Variants in HEATR4 observed in about 807,000 individuals in gnomAD.
HEATR4 encodes the protein HEAT repeat-containing protein 4.
In HEATR4, 95 loss-of-function variants were observed where a neutral mutation model predicts 108.8. The observed-to-expected ratio is 0.87, with a 90% CI of 0.74 to 1.04. The LOEUF is 1.04. HEATR4 is among the 50% of genes least tolerant of loss of function. HEATR4 has a pLI of 0.00. For synonymous variants in HEATR4, 443 were observed against 459.4 expected, an observed-to-expected ratio of 0.96 and a Z score of 0.46; for missense variants, 1,152 against 1,253.8, an observed-to-expected ratio of 0.92 and a Z score of 1.23.
the HEATR4 span, among the ~76,000 whole-genome samples, chr14:73,564,757 A>T: frequency 9.8e-6 from 1 of 101,742 alleles, no homozygotes; most frequent in Admixed American, 1.5e-4. Context: ...TAGAGATGAG[A>T]TCTTGCTCTG....
intron 1 of HEATR4, among the ~76,000 whole-genome samples, chr14:73,557,932 T>C (rs2019553): frequency 0.09 from 7,649 of 84,686 alleles, 2,530 homozygotes; most frequent in South Asian, 0.21. Flanking sequence ...TGGAATCAAG[T>C]GATCTTCCTG....
Position 73,546,358 on chromosome 14 carries a change from C to T in HEATR4, c.-152+12393G>A, listed in dbSNP as rs1489431543. On this transcript the variant is annotated intron_variant, in intron 1 of 17. Transcript: ENST00000553558. ...ATTACCTATCAGCCTCTTGACATTT[C>T]GTATTTTTTTTTTTTTTTTGAGACG... is the stretch of plus-strand genomic sequence containing the variant. Among the ~76,000 whole-genome samples, 2 of 99,904 alleles carry T rather than the reference C, an allele frequency of 2.0e-5. 1 individual carries two copies. The highest frequency in any genetic ancestry group is 5.9e-4 in the South Asian group (2 of 3,364). 65.5% of individuals were successfully genotyped at this position (99,904 alleles called of 152,430 possible).
the HEATR4 span, among the ~76,000 whole-genome samples, chr14:73,589,672 G>C: frequency 2.5e-3 from 376 of 152,268 alleles, 3 homozygotes; most frequent in Non-Finnish European, 4.5e-3. Flanking sequence ...TGTATGGCCA[G>C]GCACGGCAGG....
At chr14:73,519,375 A>G (rs1401414488) in intron 4 of HEATR4, among the ~76,000 whole-genome samples, 8 of 152,138 alleles carry the variant, frequency 5.3e-5, no homozygotes. Context: ...TGGGGGAAAA[A>G]AAAAAGAAAA....
chr14:73,612,919 C>A, the HEATR4 span: 3 of 1,352,812 alleles, frequency 2.2e-6, no homozygotes, highest in South Asian at 1.4e-5. Context: ...ACACCGAGCC[C>A]GGGCGGCTGC....
intron 7 of HEATR4, among the ~76,000 whole-genome samples, chr14:73,509,853 TA>T (rs1887114286): frequency 2.6e-5 from 2 of 76,266 alleles, no homozygotes; most frequent in South Asian, 3.6e-4. Flanking sequence ...TATATATATA[TA>T]TATATATATA....
At chr14:73,493,289 C>T in intron 16 of HEATR4, 165 bp from the exon 17 acceptor site, 1 of 596,912 alleles carries the variant, frequency 1.7e-6, no homozygotes, top group Non-Finnish European at 3.0e-6. Flanking sequence ...GAATTTGGAT[C>T]TTTCATCTGA....
the HEATR4 span, among the ~76,000 whole-genome samples, chr14:73,630,592 C>T: frequency 6.6e-6 from 1 of 152,276 alleles, no homozygotes; most frequent in South Asian, 2.1e-4. Context: ...AGCTTCATTC[C>T]TTCCTTCTGG....
chr14:73,595,198 T>C, the HEATR4 span: 15 of 1,614,230 alleles, frequency 9.3e-6, no homozygotes, highest in East Asian at 3.3e-4. Flanking sequence ...ATAAGCACAG[T>C]AGCATTCCAC....
At chr14:73,561,361 A>C (rs1241684392), upstream of HEATR4, among the ~76,000 whole-genome samples, 1 of 150,932 alleles carries the variant, frequency 6.6e-6, no homozygotes, top group Non-Finnish European at 1.5e-5. Context: ...GCGAGAGTTT[A>C]TCTCAAAAAA....
At chr14:73,484,184 A>G (rs563227509) in intron 17 of HEATR4, among the ~76,000 whole-genome samples, 1 of 151,904 alleles carries the variant, frequency 6.6e-6, no homozygotes, top group East Asian at 1.9e-4. Context: ...TTAAGAAGGT[A>G]AAGAGGTGAC....
chr14:73,600,392 A>G, the HEATR4 span, among the ~76,000 whole-genome samples: 4 of 151,884 alleles, frequency 2.6e-5, no homozygotes, highest in Admixed American at 6.6e-5. Context: ...TTAATTTTGT[A>G]TTCTCTGCCT....
At chr14:73,478,915 G>C in intron 17 of HEATR4, 73 bp from the exon 18 acceptor site, 1 of 1,135,556 alleles carries the variant, frequency 8.8e-7, no homozygotes, top group Non-Finnish European at 1.3e-6. Context: ...CCAAGTGAAG[G>C]CCTCTTTGGC....
chr14:73,522,973 C>T lies in HEATR4; in HGVS notation c.180G>A (p.Lys60=), dbSNP rs185514885. The change falls in exon 3 of 18, where the codon AAG becomes AAA. Residue 60 remains lysine (K), a synonymous_variant. Coordinates refer to ENST00000553558, the MANE Select transcript of HEATR4 (RefSeq NM_001220484.1). ...FFSSQYRLHR[K]SQYLKMAAAN... is the part of the protein sequence containing the mutation. ...CAGCAGCCATTTTCAAATATTGGCT[C>T]TTGCGGTGTAGACGGTACTGTGAGC... 2.0e-4 allele frequency: 329 copies of T among 1,614,226 alleles called. No individual in the cohort carries two copies. In the East Asian group the frequency reaches 7.0e-3, roughly 34 times the overall value.
chr14:73,612,821 T>C, the HEATR4 span: 9 of 1,423,310 alleles, frequency 6.3e-6, no homozygotes, highest in African/African-American at 1.0e-4. Context: ...GCTGTGGGCG[T>C]TGGAGCCCGA....
Position 73,493,057 on chromosome 14 carries a change from C to A in HEATR4, c.2844+9G>T. Reference sequence around the variant, plus strand: ...TTACCTTGATAAGCATCAGTGTGCTCACATTTACCTTTATCACTGCTTCAG... The same window carrying A: ...TTACCTTGATAAGCATCAGTGTGCTAACATTTACCTTTATCACTGCTTCAG... On this transcript the variant is annotated intron_variant, in intron 17 of 17. Transcript: ENST00000553558. 6.2e-7 allele frequency: 1 copy of A among 1,606,922 alleles called. No individual in the cohort carries two copies. Among genetic ancestry groups the A allele is most frequent in the South Asian group, 1.1e-5 (1 of 90,762 alleles).
intron 16 of HEATR4, among the ~76,000 whole-genome samples, chr14:73,493,582 A>G (rs998028448): frequency 2.0e-5 from 3 of 152,102 alleles, no homozygotes; most frequent in African/African-American, 7.2e-5. Context: ...TCATGCCTGT[A>G]ATCCTAGCAC....
chr14:73,569,390 G>A, the HEATR4 span: 1 of 1,614,004 alleles, frequency 6.2e-7, no homozygotes, highest in Non-Finnish European at 8.5e-7. Context: ...CTCCACAGCT[G>A]AGGCAGGTTG....
At chr14:73,513,988 C>T in intron 6 of HEATR4, 43 bp downstream of exon 6, 1 of 1,574,670 alleles carries the variant, frequency 6.4e-7, no homozygotes, top group Non-Finnish European at 8.7e-7. Context: ...ATGAGAACCA[C>T]TTCTCACAAA....
Sources: allele counts gnomAD v4.1 joint callset (sites outside exome capture counted in the v4.1 genomes callset), GRCh38; gene constraint gnomAD v4.1.1; transcripts MANE v1.5; gene names NCBI Gene and HGNC (gene_info 2026-07-23, HGNC 2026-07-21).